Variants in NCALD observed in about 807,000 individuals in gnomAD.
NCALD encodes neurocalcin delta, also known as neurocalcin-delta.
In NCALD, 10 loss-of-function variants were observed where a neutral mutation model predicts 18.6. The observed-to-expected ratio is 0.54, with a 90% confidence interval of 0.33 to 0.91. The LOEUF (loss-of-function observed/expected upper bound fraction) is 0.91, where lower values mean the gene tolerates loss of function less well. NCALD is among the 40% of genes least tolerant of loss of function. The pLI is 0.03. For missense variants in NCALD, 184 were observed against 247.6 expected (o/e 0.74, Z 1.72); for synonymous variants, 88 against 87.4 (o/e 1.01, Z -0.04).
chr8:101,972,574 G>A (rs1820281416), intron 2 of NCALD, among the ~76,000 whole-genome samples: 1 of 152,180 alleles, frequency 6.6e-6, no homozygotes, highest in South Asian at 2.1e-4. Flanking sequence ...CTGCCACTCA[G>A]TGAATTCAAC....
chr8:102,081,989 G>C (rs1265339010), intron 1 of NCALD, among the ~76,000 whole-genome samples: 1 of 152,142 alleles, frequency 6.6e-6, no homozygotes, highest in African/African-American at 2.4e-5. Flanking sequence ...GAGCAGAGTT[G>C]AGTGTTGTAT....
At chr8:101,739,324 G>T (rs569045454) in intron 1 of NCALD, among the ~76,000 whole-genome samples, 80 of 152,076 alleles carry the variant, frequency 5.3e-4, no homozygotes, top group African/African-American at 1.9e-3. Context: ...CTACATTTTG[G>T]GTTGCCTTAA....
chr8:101,747,451 C>T (rs1295395592), intron 1 of NCALD, among the ~76,000 whole-genome samples: 1 of 152,040 alleles, frequency 6.6e-6, no homozygotes, highest in Non-Finnish European at 1.5e-5. Context: ...ATGAAGTGCC[C>T]CTGAGGCTGT....
Position 101,865,947 on chromosome 8 carries a change from C to T in NCALD, c.-20+21194G>A, listed in dbSNP as rs779012484. Among the ~76,000 whole-genome samples, 74 of 152,184 alleles carry T rather than the reference C, an allele frequency of 4.9e-4. 1 individual carries two copies. Among genetic ancestry groups the T allele is most frequent in the African/African-American group, 1.4e-3 (58 of 41,434 alleles). ...TTAGGTCAATTATCAACTCTTCAGA[C>T]GTATTCAAAAGTGATCCACTTGGGT... On this transcript the variant is annotated intron_variant, in intron 4 of 6. Transcript: ENST00000311028.
chr8:102,071,536 A>C (rs1824178119), intron 1 of NCALD, among the ~76,000 whole-genome samples: 1 of 152,230 alleles, frequency 6.6e-6, no homozygotes, highest in African/African-American at 2.4e-5. Flanking sequence ...AATAAAAGGC[A>C]TACATATTAG....
intron 4 of NCALD, among the ~76,000 whole-genome samples, chr8:101,876,122 A>G (rs1816217184): frequency 6.6e-6 from 1 of 152,236 alleles, no homozygotes; most frequent in South Asian, 2.1e-4. Flanking sequence ...GTGGAGAAAG[A>G]AAAAGGGAAA....
intron 2 of NCALD, among the ~76,000 whole-genome samples, chr8:101,919,147 C>T (rs1337072900): frequency 6.6e-6 from 1 of 152,098 alleles, no homozygotes; most frequent in African/African-American, 2.4e-5. Flanking sequence ...TGGCTATAGT[C>T]ACCAAAACAG....
intron 1 of NCALD, among the ~76,000 whole-genome samples, chr8:102,053,468 G>A (rs944459122): frequency 5.3e-5 from 8 of 152,060 alleles, no homozygotes; most frequent in Non-Finnish European, 8.8e-5. Context: ...CATACATCAG[G>A]CACTGGATTC....
chr8:101,736,510 CT>C (rs1381824127), intron 1 of NCALD, among the ~76,000 whole-genome samples: 1 of 152,174 alleles, frequency 6.6e-6, no homozygotes, highest in Non-Finnish European at 1.5e-5. Flanking sequence ...ACTATACCTG[CT>C]GGTGTTTCCA....
At chr8:101,874,411 T>G (rs899504363) in intron 4 of NCALD, among the ~76,000 whole-genome samples, 6 of 152,224 alleles carry the variant, frequency 3.9e-5, no homozygotes, top group Non-Finnish European at 7.3e-5. Context: ...GGATCCACAC[T>G]GGGAAGGGTT....
chr8:101,843,803 A>C (rs893759276), intron 4 of NCALD, among the ~76,000 whole-genome samples: 10 of 152,034 alleles, frequency 6.6e-5, no homozygotes, highest in Non-Finnish European at 8.8e-5. Context: ...GCTGGTCTCG[A>C]ACTCCTGGCC....
chr8:101,996,246 G>A (rs1192342950), intron 2 of NCALD, among the ~76,000 whole-genome samples: 1 of 152,222 alleles, frequency 6.6e-6, no homozygotes, highest in African/African-American at 2.4e-5. Context: ...TAACAGCCTT[G>A]AGAGGACTAC....
At chr8:102,117,272 G>A (rs771494923) in intron 1 of NCALD, among the ~76,000 whole-genome samples, 1 of 152,228 alleles carries the variant, frequency 6.6e-6, no homozygotes, top group Non-Finnish European at 1.5e-5. Flanking sequence ...TCTCCGGCCA[G>A]GGACTATATG....
At chr8:101,750,458 A>G (rs1810608762) in intron 1 of NCALD, 1 of 152,236 alleles carries the variant, frequency 6.6e-6, no homozygotes, top group Non-Finnish European at 1.5e-5. Flanking sequence ...GTATATTTGT[A>G]GCCCCCAGAG....
chr8:101,794,281 A>G (rs1472435091), upstream of NCALD, among the ~76,000 whole-genome samples: 1 of 152,198 alleles, frequency 6.6e-6, no homozygotes, highest in Non-Finnish European at 1.5e-5. Context: ...TTAGCACACA[A>G]CCCAGAACAC....
intron 2 of NCALD, among the ~76,000 whole-genome samples, chr8:101,973,526 A>G (rs1352320570): frequency 6.6e-6 from 1 of 152,222 alleles, no homozygotes; most frequent in Non-Finnish European, 1.5e-5. Context: ...ACCCTAAACT[A>G]TCTATGTGCT....
At chr8:101,934,918 A>G (rs1197340338) in intron 2 of NCALD, among the ~76,000 whole-genome samples, 4 of 152,312 alleles carry the variant, frequency 2.6e-5, no homozygotes, top group African/African-American at 7.2e-5. Context: ...ACTTAGGCAA[A>G]ACTAAAATAA....
At chr8:102,012,123 G>A (rs1449055873) in intron 2 of NCALD, among the ~76,000 whole-genome samples, 1 of 149,942 alleles carries the variant, frequency 6.7e-6, no homozygotes, top group East Asian at 2.0e-4. Context: ...AATGCAGAAT[G>A]CTCTTCCCTT....
intron 3 of NCALD, among the ~76,000 whole-genome samples, chr8:101,891,632 G>C (rs1046266481): frequency 1.3e-5 from 2 of 152,244 alleles, no homozygotes; most frequent in Non-Finnish European, 2.9e-5. Flanking sequence ...GTGCCAGACA[G>C]TGGGCGCAGG....
Sources: gnomAD v4.1 joint callset for allele counts (sites outside exome capture counted in the v4.1 genomes callset) on GRCh38, gnomAD v4.1.1 for gene constraint, MANE v1.5 for transcripts, NCBI Gene and HGNC (gene_info 2026-07-23, HGNC 2026-07-21) for gene names.